The following MAGI1 variants were observed in gnomAD, a reference collection of about 807,000 sequenced individuals.
MAGI1 encodes the protein membrane-associated guanylate kinase, WW and PDZ domain-containing protein 1.
In MAGI1, 58 loss-of-function variants were observed where a neutral mutation model predicts 139.9. That is an observed-to-expected ratio of 0.41 (90% confidence interval 0.34 to 0.52). MAGI1 has a LOEUF of 0.52. Among genes scored for constraint, MAGI1 ranks in the 20% least tolerant of loss-of-function variants. The probability of loss-of-function intolerance (pLI) is 0.12; values close to 1 mark genes in which losing one functional copy is unlikely to be tolerated. For missense variants in MAGI1, 1,874 were observed against 1,901.6 expected, an observed-to-expected ratio of 0.99 and a Z score of 0.27; for synonymous variants, 812 against 737.9, an observed-to-expected ratio of 1.10 and a Z score of -1.63.
rs377158578 is a variant in MAGI1 at position 65,470,834 on chromosome 3, A to G, written c.758-350T>C. ...GCCATCAAAACACAGATGGATCTGC[A>G]CCCTCATTCCATAGGTATCATTTGA... On this transcript the variant is annotated intron_variant, in intron 4 of 22. Coordinates refer to ENST00000402939, the MANE Select transcript of MAGI1 (RefSeq NM_001033057.2). Among the ~76,000 whole-genome samples, 215 of 152,326 alleles carry G rather than the reference A, an allele frequency of 1.4e-3. 3 individuals carry two copies. The South Asian group carries it at 0.041, about 29-fold the overall frequency.
At chr3:65,378,921 A>C (rs548599235) in intron 17 of MAGI1, among the ~76,000 whole-genome samples, 1 of 152,148 alleles carries the variant, frequency 6.6e-6, no homozygotes, top group African/African-American at 2.4e-5. Context: ...ACCTCAAGTG[A>C]TTCACCCTCC....
chr3:65,988,926 C>A (rs1400099717), intron 1 of MAGI1, among the ~76,000 whole-genome samples: 1 of 152,004 alleles, frequency 6.6e-6, no homozygotes, highest in Non-Finnish European at 1.5e-5. Context: ...TTTTCTCATT[C>A]GACCCTTACT....
chr3:65,509,345 C>A lies in MAGI1; in HGVS notation c.431-15714G>T, dbSNP rs990628945. On this transcript the variant is annotated intron_variant, in intron 2 of 22. Coordinates refer to ENST00000402939, the MANE Select transcript of MAGI1 (RefSeq NM_001033057.2). ...AACAGCTCCGGTCTACAGCTCCCAG[C>A]GTGAGCGACGCAGAAGACGGGTGAT... Among the ~76,000 whole-genome samples the A allele has an allele frequency of 7.9e-5, 12 of 152,286 alleles. No individual in the cohort carries two copies. The East Asian group carries it at 1.4e-3, about 17-fold the overall frequency.
intron 16 of MAGI1, 56 bp downstream of exon 16, chr3:65,381,821 C>CAAAA (rs1943076709): frequency 1.3e-6 from 2 of 1,485,444 alleles, no homozygotes; most frequent in South Asian, 2.7e-5. Flanking sequence ...GGAAGGAGGC[C>CAAAA]TTTTCTGTGA....
chr3:65,434,420 T>C (rs1221550088), intron 10 of MAGI1, among the ~76,000 whole-genome samples: 1 of 152,170 alleles, frequency 6.6e-6, no homozygotes, highest in African/African-American at 2.4e-5. Flanking sequence ...AAGCATAAGC[T>C]TGAAGCTGGA....
At chr3:65,862,556 C>T (rs770989198) in intron 1 of MAGI1, among the ~76,000 whole-genome samples, 1 of 152,210 alleles carries the variant, frequency 6.6e-6, no homozygotes, top group Non-Finnish European at 1.5e-5. Flanking sequence ...ATTCCACAGC[C>T]TCACATGTAA....
At chr3:66,032,214 T>A (rs1475357055) in intron 1 of MAGI1, among the ~76,000 whole-genome samples, 1 of 112,544 alleles carries the variant, frequency 8.9e-6, no homozygotes. Context: ...ACCTATTATT[T>A]GCTGGGTCTT....
intron 1 of MAGI1, among the ~76,000 whole-genome samples, chr3:65,970,866 A>G (rs964862): frequency 0.84 from 128,265 of 152,224 alleles, 54,172 homozygotes; most frequent in Admixed American, 0.9. Context: ...CAGTGTGGCT[A>G]AGGATCAGCT....
intron 1 of MAGI1, among the ~76,000 whole-genome samples, chr3:65,967,588 A>T (rs1385820335): frequency 1.3e-5 from 2 of 152,230 alleles, no homozygotes; most frequent in Non-Finnish European, 2.9e-5. Flanking sequence ...TCTGCCAGCT[A>T]AGCTAGAGAA....
At chr3:65,746,445 C>T (rs1363932719) in intron 1 of MAGI1, among the ~76,000 whole-genome samples, 1 of 152,160 alleles carries the variant, frequency 6.6e-6, no homozygotes, top group Non-Finnish European at 1.5e-5. Flanking sequence ...GTTTCTGATG[C>T]AAGTATATGG....
intron 1 of MAGI1, among the ~76,000 whole-genome samples, chr3:65,903,734 G>A (rs142387286): frequency 9.9e-5 from 15 of 152,192 alleles, no homozygotes; most frequent in South Asian, 2.1e-4. Flanking sequence ...TAGGCCAGGC[G>A]CAGTGGCTCA....
intron 1 of MAGI1, among the ~76,000 whole-genome samples, chr3:65,852,161 T>C (rs2059226829): frequency 6.6e-6 from 1 of 152,156 alleles, no homozygotes; most frequent in South Asian, 2.1e-4. Flanking sequence ...CATCACTACC[T>C]ATATCTGTCC....
chr3:65,648,450 T>C (rs538460568), intron 1 of MAGI1, among the ~76,000 whole-genome samples: 2 of 152,292 alleles, frequency 1.3e-5, no homozygotes, highest in East Asian at 3.9e-4. Flanking sequence ...AATGAATGTA[T>C]GCCTATATAT....
chr3:65,870,018 T>C (rs995575270), intron 1 of MAGI1, among the ~76,000 whole-genome samples: 1 of 152,224 alleles, frequency 6.6e-6, no homozygotes, highest in Non-Finnish European at 1.5e-5. Flanking sequence ...CATTGATTAC[T>C]ACCCTCAAGT....
At chr3:65,437,899 A>T (rs1559553469) in intron 9 of MAGI1, among the ~76,000 whole-genome samples, 1 of 152,190 alleles carries the variant, frequency 6.6e-6, no homozygotes, top group Admixed American at 6.5e-5. Flanking sequence ...ACATTAAAAA[A>T]TTTTTAGACA....
intron 2 of MAGI1, among the ~76,000 whole-genome samples, chr3:65,495,726 G>A (rs539158273): frequency 6.1e-4 from 93 of 152,294 alleles, no homozygotes; most frequent in African/African-American, 2.2e-3. Flanking sequence ...GTGTCTTGGA[G>A]GGAGGGAGCA....
intron 1 of MAGI1, among the ~76,000 whole-genome samples, chr3:65,765,324 C>T (rs1499504): frequency 1 from 151,613 of 152,300 alleles, 75,471 homozygotes; most frequent in Middle Eastern, 1. Flanking sequence ...AGGATTGCCA[C>T]TAAGCACTTT....
intron 6 of MAGI1, among the ~76,000 whole-genome samples, chr3:65,449,179 C>T (rs539189721): frequency 4.7e-4 from 71 of 151,798 alleles, no homozygotes; most frequent in African/African-American, 1.5e-3. Context: ...ATGTAAATGA[C>T]GAGTTAATGG....
intron 1 of MAGI1, among the ~76,000 whole-genome samples, chr3:65,794,501 C>T (rs1308574526): frequency 6.6e-6 from 1 of 152,138 alleles, no homozygotes; most frequent in Non-Finnish European, 1.5e-5. Flanking sequence ...CCTGCATCCA[C>T]TCATTCTGCA....
Sources: gnomAD v4.1 joint callset for allele counts (sites outside exome capture counted in the v4.1 genomes callset) on GRCh38, gnomAD v4.1.1 for gene constraint, MANE v1.5 for transcripts, NCBI Gene and HGNC (gene_info 2026-07-23, HGNC 2026-07-21) for gene names.